Variants in NAALADL2 observed in about 807,000 individuals in gnomAD.
NAALADL2 encodes inactive N-acetylated-alpha-linked acidic dipeptidase-like protein 2.
A neutral mutation model predicts 87.2 loss-of-function variants in NAALADL2; 76 were observed. The ratio of observed to expected loss-of-function variants is 0.87; its 90% CI spans 0.72 to 1.05. The LOEUF (loss-of-function observed/expected upper bound fraction) is 1.05. NAALADL2 is among the 50% of genes least tolerant of loss of function. The pLI, the probability that NAALADL2 is intolerant of heterozygous loss-of-function variation, is 0.00. For missense variants in NAALADL2, 1,089 were observed against 945.8 expected (o/e 1.15, Z -1.99); for synonymous variants, 354 against 331.0 (o/e 1.07, Z -0.75).
intron 3 of NAALADL2, among the ~76,000 whole-genome samples, chr3:175,239,779 G>C (rs969071215): frequency 1.3e-5 from 2 of 152,322 alleles, no homozygotes; most frequent in East Asian, 3.9e-4. Flanking sequence ...GTGTGCAAAT[G>C]TGGGGTGGTC....
At chr3:174,764,631 A>T (rs1683585613) in intron 3 of NAALADL2, among the ~76,000 whole-genome samples, 1 of 152,150 alleles carries the variant, frequency 6.6e-6, no homozygotes. Flanking sequence ...AACAAACAAA[A>T]ATAAATAAAA....
chr3:175,287,282 A>G (rs972119988), intron 4 of NAALADL2, among the ~76,000 whole-genome samples: 1 of 152,184 alleles, frequency 6.6e-6, no homozygotes, highest in African/African-American at 2.4e-5. Flanking sequence ...TTTTTATTTT[A>G]AAAAATTATG....
In NAALADL2 at chr3:175,587,835, C is replaced by T. The variant is rs549854170; in HGVS notation, c.1800+11648C>T. Among the ~76,000 whole-genome samples the T allele has an allele frequency of 5.9e-5, 9 of 152,240 alleles. No homozygotes were observed. In the South Asian group the frequency reaches 1.9e-3, roughly 32 times the overall value. ...TTTTAAGCACAGTTCATAACCCACACAAATAGTTGCTCCTCACCCACTTCC... is the reference window on the plus strand; with the variant it reads ...TTTTAAGCACAGTTCATAACCCACATAAATAGTTGCTCCTCACCCACTTCC... On this transcript the variant is annotated intron_variant, in intron 10 of 13. Transcript: ENST00000454872.
At chr3:175,029,644 A>G (rs1471285456) in intron 1 of NAALADL2, among the ~76,000 whole-genome samples, 1 of 152,120 alleles carries the variant, frequency 6.6e-6, no homozygotes, top group African/African-American at 2.4e-5. Flanking sequence ...TTTGTACTTT[A>G]ATATGATTAT....
chr3:174,959,418 G>A (rs1418403720), intron 1 of NAALADL2, among the ~76,000 whole-genome samples: 1 of 151,972 alleles, frequency 6.6e-6, no homozygotes, highest in Non-Finnish European at 1.5e-5. Flanking sequence ...CTGCCCACAG[G>A]CTCTGGAAAC....
intron 2 of NAALADL2, among the ~76,000 whole-genome samples, chr3:174,683,186 C>G (rs978320445): frequency 3.3e-5 from 5 of 151,922 alleles, no homozygotes. Flanking sequence ...CTTGAAGACA[C>G]GCAATTTGAA....
intron 1 of NAALADL2, among the ~76,000 whole-genome samples, chr3:174,443,312 A>C (rs1309653837): frequency 6.6e-6 from 1 of 152,210 alleles, no homozygotes; most frequent in Non-Finnish European, 1.5e-5. Context: ...TGAGTAGTTC[A>C]TATTCTGTAT....
intron 1 of NAALADL2, among the ~76,000 whole-genome samples, chr3:174,467,316 C>T (rs1024517941): frequency 3.3e-5 from 5 of 151,968 alleles, no homozygotes; most frequent in Admixed American, 6.6e-5. Context: ...AACCTGAGGC[C>T]GGGTGTGGTG....
intron 2 of NAALADL2, among the ~76,000 whole-genome samples, chr3:175,140,849 T>C (rs1407301026): frequency 6.6e-6 from 1 of 152,094 alleles, no homozygotes; most frequent in Non-Finnish European, 1.5e-5. Context: ...ATAGGTGTGG[T>C]GACACAAGTT....
chr3:175,800,993 A>G (rs540017753), intron 13 of NAALADL2, among the ~76,000 whole-genome samples: 2 of 152,246 alleles, frequency 1.3e-5, no homozygotes, highest in South Asian at 2.1e-4. Flanking sequence ...CTCCCCATTA[A>G]TCCCTACAGA....
At chr3:175,070,209 T>C (rs981821728) in intron 1 of NAALADL2, among the ~76,000 whole-genome samples, 1 of 151,386 alleles carries the variant, frequency 6.6e-6, no homozygotes, top group Non-Finnish European at 1.5e-5. Flanking sequence ...AAAATTACAA[T>C]AAAAAATCTT....
intron 2 of NAALADL2, among the ~76,000 whole-genome samples, chr3:175,190,926 C>T (rs1361221247): frequency 7.0e-6 from 1 of 143,184 alleles, no homozygotes; most frequent in African/African-American, 2.6e-5. Context: ...TGCAGTGAGC[C>T]GAGATGGAGC....
intron 1 of NAALADL2, among the ~76,000 whole-genome samples, chr3:174,996,993 GGTGTGTGTGTGTGTGT>G (rs34590643): frequency 3.3e-4 from 40 of 121,588 alleles, no homozygotes; most frequent in African/African-American, 5.0e-4. Context: ...TATTCCAAGG[GGTGTGTGTGTGTGTGT>G]GTGTGTGTGT....
intron 11 of NAALADL2, among the ~76,000 whole-genome samples, chr3:175,685,752 GA>G (rs1439216722): frequency 2.6e-5 from 4 of 152,062 alleles, no homozygotes; most frequent in Non-Finnish European, 5.9e-5. Context: ...CCAAAGGCAG[GA>G]AAAAAGTCAC....
intron 3 of NAALADL2, among the ~76,000 whole-genome samples, chr3:175,243,091 ACACG>A (rs1747239718): frequency 6.7e-6 from 1 of 150,264 alleles, no homozygotes; most frequent in African/African-American, 2.4e-5. Context: ...ACACACACAC[ACACG>A]CACACACACA....
At chr3:175,314,987 A>T (rs1246972807) in intron 4 of NAALADL2, among the ~76,000 whole-genome samples, 1 of 152,036 alleles carries the variant, frequency 6.6e-6, no homozygotes, top group Non-Finnish European at 1.5e-5. Flanking sequence ...ATCTAGTGCC[A>T]CTGCAGTTAC....
At chr3:174,634,691 T>C (rs55953508) in intron 2 of NAALADL2, among the ~76,000 whole-genome samples, 4,111 of 152,272 alleles carry the variant, frequency 0.027, 123 homozygotes, top group African/African-American at 0.07. Flanking sequence ...GACCAATGAC[T>C]AGAAAATAAA....
chr3:175,296,070 A>G (rs1446274135), intron 4 of NAALADL2, among the ~76,000 whole-genome samples: 1 of 152,104 alleles, frequency 6.6e-6, no homozygotes, highest in Non-Finnish European at 1.5e-5. Context: ...GCTTTCCTTA[A>G]CTATCTGCCT....
chr3:174,470,448 GT>G (rs1716828402), intron 1 of NAALADL2, among the ~76,000 whole-genome samples: 2 of 152,046 alleles, frequency 1.3e-5, no homozygotes, highest in South Asian at 4.1e-4. Context: ...CATTCTGTAG[GT>G]TGTCTGTTTA....
Sources: gnomAD v4.1 joint callset for allele counts (sites outside exome capture counted in the v4.1 genomes callset) on GRCh38, gnomAD v4.1.1 for gene constraint, MANE v1.5 for transcripts, NCBI Gene and HGNC (gene_info 2026-07-23, HGNC 2026-07-21) for gene names.